PRMT8: variants seen among roughly 807,000 people sequenced by gnomAD.
PRMT8 encodes the protein protein arginine methyltransferase 8.
Under a neutral mutation model 47.1 loss-of-function variants are expected in PRMT8, and 7 were observed. The ratio of observed to expected loss-of-function variants is 0.15; its 90% CI spans 0.08 to 0.28. The LOEUF (loss-of-function observed/expected upper bound fraction) is 0.28, where lower values mean the gene tolerates loss of function less well. Among genes scored for constraint, PRMT8 ranks in the 10% least tolerant of loss-of-function variants. The probability of loss-of-function intolerance (pLI) is 1.00; values close to 1 mark genes in which losing one functional copy is unlikely to be tolerated. For missense variants in PRMT8, 237 were observed against 505.4 expected (o/e 0.47, Z 5.09); for synonymous variants, 188 against 186.5 (o/e 1.01, Z -0.07).
intron 1 of PRMT8, among the ~76,000 whole-genome samples, chr12:3,421,535 T>C (rs1864540899): frequency 6.6e-6 from 1 of 152,166 alleles, no homozygotes; most frequent in Non-Finnish European, 1.5e-5. Flanking sequence ...CGTGAAATGG[T>C]CTGGGCCACA....
intron 1 of PRMT8, among the ~76,000 whole-genome samples, chr12:3,427,955 T>C (rs966119426): frequency 5.3e-5 from 8 of 152,244 alleles, no homozygotes; most frequent in African/African-American, 1.9e-4. Flanking sequence ...TTGTTAACTT[T>C]TAGCAAATTT....
chr12:3,517,237 G>A (rs755802146), intron 1 of PRMT8, among the ~76,000 whole-genome samples: 15 of 152,244 alleles, frequency 9.9e-5, no homozygotes, highest in Admixed American at 3.3e-4. Flanking sequence ...TCTCACTTTC[G>A]CTGTTCTCCG....
intron 1 of PRMT8, among the ~76,000 whole-genome samples, chr12:3,430,023 A>G (rs937649244): frequency 2.0e-5 from 3 of 152,186 alleles, no homozygotes; most frequent in Admixed American, 6.5e-5. Context: ...CAAGTTGTAG[A>G]AGGAAAGGGC....
Position 3,552,307 on chromosome 12 carries a change from G to A in PRMT8, c.418-1344G>A, listed in dbSNP as rs537159796. 1 of 156,792 alleles carries A rather than the reference G, an allele frequency of 6.4e-6. No individual in the cohort carries two copies. Among genetic ancestry groups the A allele is most frequent in the South Asian group, 1.9e-4 (1 of 5,296 alleles). The allele number at this position is 156,792 out of a possible 1,614,324, so 9.7% of individuals were successfully genotyped here. A position where few individuals can be genotyped will look rare whatever the true frequency, so the allele number is the denominator to read the frequency against. On this transcript the variant is annotated intron_variant, in intron 3 of 9. Transcript: ENST00000382622. The surrounding 1 kb of genome is among the most constrained non-coding windows in gnomAD (Gnocchi z 4.5). ...ATGGAAGAGGAGAAGATGGAAGAAAGGAAAATGAGGAGGGAAGGACACCGC... is the reference window on the plus strand; with the variant it reads ...ATGGAAGAGGAGAAGATGGAAGAAAAGAAAATGAGGAGGGAAGGACACCGC...
At chr12:3,421,177 C>T (rs535391926) in intron 1 of PRMT8, among the ~76,000 whole-genome samples, 4 of 152,146 alleles carry the variant, frequency 2.6e-5, no homozygotes, top group Non-Finnish European at 4.4e-5. Context: ...ATGTCCATTC[C>T]CATAGATCGT....
In PRMT8 at chr12:3,532,091, C is replaced by A. The variant is rs375660154; in HGVS notation, c.76-8515C>A. Among the ~76,000 whole-genome samples, 202 of 152,126 alleles carry A rather than the reference C, an allele frequency of 1.3e-3. 2 individuals carry two copies. The highest frequency in any genetic ancestry group is 4.8e-3 in the African/African-American group (198 of 41,480). ...CTGGAGATCCACCAGCGACGGCCGA[C>A]ATGGATTATAAAACAGAAACACTGT... is the stretch of plus-strand genomic sequence containing the variant. On this transcript the variant is annotated intron_variant, in intron 1 of 9. Coordinates refer to ENST00000382622, the MANE Select transcript of PRMT8 (RefSeq NM_019854.5).
chr12:3,591,647 G>A (rs978851158), intron 8 of PRMT8, among the ~76,000 whole-genome samples: 1 of 152,114 alleles, frequency 6.6e-6, no homozygotes. Flanking sequence ...TCCTGCCTCA[G>A]CTTCCTGAGT....
In PRMT8 at chr12:3,430,149, C is replaced by T. The variant is rs1020054457; in HGVS notation, c.48+48707C>T. Among the ~76,000 whole-genome samples the T allele has an allele frequency of 7.2e-5, 11 of 152,250 alleles. No homozygotes were observed. In the South Asian group the frequency reaches 1.2e-3, roughly 17 times the overall value. On this transcript the variant is annotated intron_variant, in intron 1 of 9. Transcript: ENST00000452611. ...TCTAAGAGGGTCAGTATGAAAGGGTCGTAATTGATTGAGCAAGTGGGGATA... is the reference window on the plus strand; with the variant it reads ...TCTAAGAGGGTCAGTATGAAAGGGTTGTAATTGATTGAGCAAGTGGGGATA...
Position 3,492,597 on chromosome 12 carries a change from G to A in PRMT8, c.75+897G>A, listed in dbSNP as rs1460173801. Among the ~76,000 whole-genome samples the A allele has an allele frequency of 6.6e-6, 1 of 152,180 alleles. No individual in the cohort carries two copies. The highest frequency in any genetic ancestry group is 1.5e-5 in the Non-Finnish European group (1 of 68,022). On this transcript the variant is annotated intron_variant, in intron 1 of 9. Coordinates refer to ENST00000382622, the MANE Select transcript of PRMT8 (RefSeq NM_019854.5). This position sits in a 1 kb window ranked among gnomAD's most constrained non-coding sequence, Gnocchi z 7.5. ...CCCTGAGCCGCAGAGAGCCCTGCTG[G>A]GCTTTGCGTCCCGAGACTCGAGGCT... is the stretch of plus-strand genomic sequence containing the variant.
chr12:3,439,146 T>C (rs555130790), intron 1 of PRMT8, among the ~76,000 whole-genome samples: 84 of 152,384 alleles, frequency 5.5e-4, no homozygotes, highest in African/African-American at 1.9e-3. Flanking sequence ...TTACATTTCA[T>C]TTATATTTTT....
intron 1 of PRMT8, among the ~76,000 whole-genome samples, chr12:3,438,193 G>A (rs1486318162): frequency 6.6e-6 from 1 of 152,194 alleles, no homozygotes; most frequent in African/African-American, 2.4e-5. Flanking sequence ...TGGGGGCATT[G>A]TGTTCAGAGA....
intron 1 of PRMT8, among the ~76,000 whole-genome samples, chr12:3,397,470 C>CTGCAG: frequency 4.7e-5 from 7 of 147,750 alleles, no homozygotes; most frequent in Admixed American, 2.7e-4. Context: ...GTACTGGGCC[C>CTGCAG]TGTGAGGTGT....
chr12:3,424,254 C>T (rs959235481), intron 1 of PRMT8, among the ~76,000 whole-genome samples: 3 of 152,048 alleles, frequency 2.0e-5, no homozygotes, highest in Admixed American at 6.6e-5. Flanking sequence ...TTTTTTCCAG[C>T]GAGGATTAAG....
intron 1 of PRMT8, among the ~76,000 whole-genome samples, chr12:3,454,281 G>A (rs1378422042): frequency 4.6e-5 from 7 of 152,188 alleles, no homozygotes; most frequent in Non-Finnish European, 8.8e-5. Context: ...GGATTCCCAG[G>A]ACCTGGTTCC....
chr12:3,520,252 C>A (rs977722702), intron 1 of PRMT8, among the ~76,000 whole-genome samples: 1 of 152,210 alleles, frequency 6.6e-6, no homozygotes, highest in East Asian at 1.9e-4. Flanking sequence ...ACCAACGGTG[C>A]CTTCAAAGCA....
At chr12:3,454,105 A>G (rs1864949385) in intron 1 of PRMT8, among the ~76,000 whole-genome samples, 1 of 152,112 alleles carries the variant, frequency 6.6e-6, no homozygotes, top group Non-Finnish European at 1.5e-5. Context: ...CCAAACACGG[A>G]GGCCCATCTG....
At chr12:3,396,739 C>A (rs1395313168) in intron 1 of PRMT8, among the ~76,000 whole-genome samples, 1 of 151,646 alleles carries the variant, frequency 6.6e-6, no homozygotes, top group Non-Finnish European at 1.5e-5. Flanking sequence ...CTCTGTATTT[C>A]CTGAATCTGA....
chr12:3,421,681 C>G (rs969146394), intron 1 of PRMT8, among the ~76,000 whole-genome samples: 10 of 152,224 alleles, frequency 6.6e-5, no homozygotes, highest in African/African-American at 2.4e-4. Context: ...CACCCTGGCT[C>G]CCCTCCCGGT....
chr12:3,547,050 A>C (rs544590492), intron 2 of PRMT8, among the ~76,000 whole-genome samples: 1 of 152,260 alleles, frequency 6.6e-6, no homozygotes, highest in Admixed American at 6.5e-5. Flanking sequence ...ATGAAAAAGC[A>C]TGTGACAAAA....
Sources: allele counts gnomAD v4.1 joint callset (sites outside exome capture counted in the v4.1 genomes callset), GRCh38; gene constraint gnomAD v4.1.1; non-coding constraint Gnocchi (gnomAD v3.1); transcripts MANE v1.5; gene names NCBI Gene and HGNC (gene_info 2026-07-23, HGNC 2026-07-21).